KCNJ6: variants seen among roughly 807,000 people sequenced by gnomAD.
KCNJ6 encodes G protein-activated inward rectifier potassium channel 2.
Under a neutral mutation model 34.2 loss-of-function variants are expected in KCNJ6, and 9 were observed. The observed-to-expected ratio is 0.26, with a 90% CI of 0.16 to 0.46. KCNJ6 has a LOEUF of 0.46. KCNJ6 is among the 20% of genes least tolerant of loss of function. KCNJ6 has a pLI of 1.00. For synonymous variants in KCNJ6, 196 were observed against 207.1 expected (o/e 0.95, Z 0.46); for missense variants, 236 against 531.3 (o/e 0.44, Z 5.46).
chr21:37,614,717 TGTATGC>T lies in KCNJ6; in HGVS notation c.*10436_*10441del, dbSNP rs2054258844. On this transcript the variant is annotated 3_prime_UTR_variant, in exon 4 of 4. Coordinates refer to ENST00000609713, the MANE Select transcript of KCNJ6 (RefSeq NM_002240.5). The stretch of plus-strand genomic sequence containing the variant: ...GTCTTGGTGTGTGTATGCATGTGCA[TGTATGC>T]GTGTGTGTGTATGCGCATGTCTCTG... The T allele has an allele frequency of 6.6e-6, 1 of 151,158 alleles. No individual in the cohort carries two copies. The highest frequency in any genetic ancestry group is 6.6e-5 in the Admixed American group (1 of 15,168). 9.4% of individuals were successfully genotyped at this position (151,158 alleles called of 1,614,324 possible).
intron 1 of KCNJ6, among the ~76,000 whole-genome samples, chr21:37,885,655 C>G (rs144715258): frequency 6.6e-6 from 1 of 152,206 alleles, no homozygotes; most frequent in African/African-American, 2.4e-5. Flanking sequence ...CTCCACCTGA[C>G]AGCCACAAGA....
In KCNJ6 at chr21:37,620,424, T is replaced by C. The variant is rs1346839255; in HGVS notation, c.*4735A>G. The C allele has an allele frequency of 1.3e-5, 2 of 152,350 alleles. No individual in the cohort carries two copies. Among genetic ancestry groups the C allele is most frequent in the Middle Eastern group, 3.4e-3 (1 of 294 alleles). 9.4% of individuals were successfully genotyped at this position (152,350 alleles called of 1,614,324 possible). On this transcript the variant is annotated 3_prime_UTR_variant, in exon 4 of 4. Coordinates refer to ENST00000609713, the MANE Select transcript of KCNJ6 (RefSeq NM_002240.5). ...GTTTGTGGACATTGAAATTTGAATT[T>C]AGGATGATTTTCACATGTCTCAAAA...
intron 3 of KCNJ6, among the ~76,000 whole-genome samples, chr21:37,691,070 C>T (rs1020391269): frequency 1.3e-5 from 2 of 152,188 alleles, no homozygotes; most frequent in Admixed American, 6.5e-5. Context: ...CATGAGCCAC[C>T]GTACCTGGCC....
rs2054283246 is a variant in KCNJ6, at chr21:37,619,389, C to T, written c.*5770G>A. The stretch of plus-strand genomic sequence containing the variant: ...CCAATCTTTGTCTTTGCTTCAGACT[C>T]AGAAAGCGCAAGAAATCCAACAACC... On this transcript the variant is annotated 3_prime_UTR_variant, in exon 4 of 4. Coordinates refer to ENST00000609713, the MANE Select transcript of KCNJ6 (RefSeq NM_002240.5). 6.6e-6 allele frequency: 1 copy of T among 152,240 alleles called. No individual in the cohort carries two copies. The highest frequency in any genetic ancestry group is 2.1e-4 in the South Asian group (1 of 4,834). 9.4% of individuals were successfully genotyped at this position (152,240 alleles called of 1,614,324 possible). A position where few individuals can be genotyped will look rare whatever the true frequency, so the allele number is the denominator to read the frequency against.
At chr21:37,902,516 T>C (rs1453819946) in intron 1 of KCNJ6, among the ~76,000 whole-genome samples, 1 of 152,234 alleles carries the variant, frequency 6.6e-6, no homozygotes, top group Non-Finnish European at 1.5e-5. Flanking sequence ...GATAACTATT[T>C]TCAATAGTTT....
At chr21:37,828,925 G>C (rs116876923) in intron 2 of KCNJ6, among the ~76,000 whole-genome samples, 51 of 152,286 alleles carry the variant, frequency 3.3e-4, no homozygotes, top group Admixed American at 3.3e-4. Flanking sequence ...CTTCCAAATG[G>C]CCATTTGTTT....
rs2054290790 is a variant in KCNJ6, at chr21:37,621,826, G to A, written c.*3333C>T. ...ATATGCTGGAACAACCAGGCTGGAA[G>A]GCCATGTTTGAAGGAACAGAAAAGT... On this transcript the variant is annotated 3_prime_UTR_variant, in exon 4 of 4. Transcript: ENST00000609713. The A allele has an allele frequency of 6.6e-6, 1 of 152,254 alleles. No individual in the cohort carries two copies. 9.4% of individuals were successfully genotyped at this position (152,254 alleles called of 1,614,324 possible). A position where few individuals can be genotyped will look rare whatever the true frequency, so the allele number is the denominator to read the frequency against.
At chr21:37,713,880 T>A (rs1162880990) in intron 3 of KCNJ6, among the ~76,000 whole-genome samples, 1 of 152,244 alleles carries the variant, frequency 6.6e-6, no homozygotes, top group Non-Finnish European at 1.5e-5. Flanking sequence ...AGTATTTAAA[T>A]TAGCAATGTT....
At chr21:37,686,760 C>T (rs572914177) in intron 3 of KCNJ6, among the ~76,000 whole-genome samples, 1 of 152,266 alleles carries the variant, frequency 6.6e-6, no homozygotes, top group East Asian at 1.9e-4. Flanking sequence ...AGCCACCGCG[C>T]CCAGCCTCTG....
chr21:37,757,709 G>A lies in KCNJ6; in HGVS notation c.26-42578C>T, dbSNP rs188587999. ...CCTCACAGCATGATGGTTCCAGCCC[G>A]GAGTGAGCACTCCCTCACAGTGTGC... is the stretch of plus-strand genomic sequence containing the variant. On this transcript the variant is annotated intron_variant, in intron 2 of 3. Coordinates refer to ENST00000609713, the MANE Select transcript of KCNJ6 (RefSeq NM_002240.5). Among the ~76,000 whole-genome samples, 179 of 150,878 alleles carry A rather than the reference G, an allele frequency of 1.2e-3. 1 individual carries two copies. Among genetic ancestry groups the A allele is most frequent in the Non-Finnish European group, 2.2e-3 (147 of 67,636 alleles).
chr21:37,883,192 T>G (rs571089371), intron 1 of KCNJ6, among the ~76,000 whole-genome samples: 13 of 152,330 alleles, frequency 8.5e-5, no homozygotes, highest in African/African-American at 3.1e-4. Flanking sequence ...TTGCTGAAAA[T>G]GTAGGCTTGC....
In KCNJ6 at chr21:37,651,091, G is replaced by A. The variant is rs567254730; in HGVS notation, c.947-25607C>T. ...GATCATTGTATAAAACTTGTAATGA[G>A]TTTTACAAAAGAAAGGTACAGAGAG... On this transcript the variant is annotated intron_variant, in intron 3 of 3. Transcript: ENST00000609713. Among the ~76,000 whole-genome samples the A allele has an allele frequency of 1.1e-4, 17 of 152,308 alleles. No homozygotes were observed. In the South Asian group the frequency reaches 3.5e-3, roughly 32 times the overall value.
chr21:37,741,550 G>A (rs2054941471), intron 2 of KCNJ6, among the ~76,000 whole-genome samples: 1 of 152,124 alleles, frequency 6.6e-6, no homozygotes, highest in Non-Finnish European at 1.5e-5. Context: ...GGCTCTAGAT[G>A]TTGCCAGCCC....
intron 3 of KCNJ6, among the ~76,000 whole-genome samples, chr21:37,651,120 C>A (rs1488093768): frequency 6.6e-6 from 1 of 152,140 alleles, no homozygotes; most frequent in African/African-American, 2.4e-5. Flanking sequence ...CAGAGAGCCA[C>A]AGGACCATTT....
At chr21:37,732,218 G>A (rs1055459733) in intron 2 of KCNJ6, among the ~76,000 whole-genome samples, 1 of 152,282 alleles carries the variant, frequency 6.6e-6, no homozygotes, top group East Asian at 1.9e-4. Flanking sequence ...GAGAAGATGG[G>A]CCCCTCCCTG....
At chr21:37,896,768 C>T (rs1262695931) in intron 1 of KCNJ6, among the ~76,000 whole-genome samples, 1 of 152,146 alleles carries the variant, frequency 6.6e-6, no homozygotes, top group Non-Finnish European at 1.5e-5. Flanking sequence ...GACAAGCTGA[C>T]AGCCTTTGAC....
chr21:37,875,182 TC>T (rs1350536936), intron 1 of KCNJ6, among the ~76,000 whole-genome samples: 1 of 152,144 alleles, frequency 6.6e-6, no homozygotes, highest in Non-Finnish European at 1.5e-5. Context: ...AACACAGTTA[TC>T]CCCTTCCAGA....
intron 2 of KCNJ6, among the ~76,000 whole-genome samples, chr21:37,758,560 G>A (rs1219515047): frequency 1.3e-5 from 2 of 152,150 alleles, no homozygotes; most frequent in Non-Finnish European, 2.9e-5. Flanking sequence ...ATATCTACCC[G>A]TCAACTCTTA....
intron 3 of KCNJ6, among the ~76,000 whole-genome samples, chr21:37,668,259 G>A (rs1008542): frequency 0.48 from 73,015 of 151,958 alleles, 18,384 homozygotes; most frequent in African/African-American, 0.64. Context: ...TCAGCCCCAC[G>A]TGAGGAGTTG....
Sources: allele counts gnomAD v4.1 joint callset (sites outside exome capture counted in the v4.1 genomes callset), GRCh38; gene constraint gnomAD v4.1.1; transcripts MANE v1.5; gene names NCBI Gene and HGNC (gene_info 2026-07-23, HGNC 2026-07-21).